WWOX: variants seen among roughly 807,000 people sequenced by gnomAD.
The protein encoded by WWOX is WW domain-containing oxidoreductase.
Under a neutral mutation model 46.2 loss-of-function variants are expected in WWOX, and 69 were observed. The observed-to-expected ratio is 1.49, with a 90% CI of 1.23 to 1.82. The LOEUF is 1.82. Ranked by LOEUF, WWOX falls within the 40% of genes most tolerant of loss-of-function variation. The pLI, the probability that WWOX is intolerant of heterozygous loss-of-function variation, is 0.00. For synonymous variants in WWOX, 359 were observed against 202.6 expected (o/e 1.77, Z -6.56); for missense variants, 919 against 542.6 (o/e 1.69, Z -6.89).
chr16:79,028,896 T>C (rs576788454), intron 8 of WWOX, among the ~76,000 whole-genome samples: 234 of 92,428 alleles, frequency 2.5e-3, no homozygotes, highest in Middle Eastern at 8.0e-3. Flanking sequence ...CCTGAACCAC[T>C]AGAAAAAAAA....
chr16:78,760,292 TA>T (rs1370213319), intron 8 of WWOX, among the ~76,000 whole-genome samples: 1 of 152,192 alleles, frequency 6.6e-6, no homozygotes, highest in Non-Finnish European at 1.5e-5. Flanking sequence ...GTGATTCAAT[TA>T]TCTCCCACCA....
At chr16:78,500,502 G>A (rs1362673671) in intron 8 of WWOX, among the ~76,000 whole-genome samples, 4 of 151,788 alleles carry the variant, frequency 2.6e-5, no homozygotes, top group Non-Finnish European at 5.9e-5. Flanking sequence ...GGTTAACCAT[G>A]GTAGCATTTT....
At chr16:78,459,723 C>T (rs2083906292) in intron 8 of WWOX, among the ~76,000 whole-genome samples, 2 of 152,126 alleles carry the variant, frequency 1.3e-5, no homozygotes, top group Non-Finnish European at 2.9e-5. Flanking sequence ...AAAATAATAC[C>T]AGTGACATGT....
chr16:78,858,144 T>TG (rs2052610709), intron 8 of WWOX, among the ~76,000 whole-genome samples: 40 of 148,652 alleles, frequency 2.7e-4, no homozygotes, highest in African/African-American at 9.2e-4. Flanking sequence ...CATTGTGTGT[T>TG]TGTGTGTGTG....
chr16:78,643,526 G>T lies in WWOX; in HGVS notation c.1056+210774G>T, dbSNP rs1403426402. ...CCAGCTTTAAACCTGTGACCTCAAG[G>T]CAAATGACTTCCACATCTCATTAGC... On this transcript the variant is annotated intron_variant, in intron 8 of 8. Transcript: ENST00000566780. Among the ~76,000 whole-genome samples, 4 of 152,092 alleles carry T rather than the reference G, an allele frequency of 2.6e-5. No homozygotes were observed. In the East Asian group the frequency reaches 7.7e-4, roughly 29 times the overall value.
intron 8 of WWOX, among the ~76,000 whole-genome samples, chr16:79,119,351 T>C (rs1180666002): frequency 6.6e-6 from 1 of 152,174 alleles, no homozygotes; most frequent in East Asian, 1.9e-4. Context: ...TAAAGAGGTT[T>C]CGTTATATTA....
At chr16:78,320,058 G>T (rs1323144042) in intron 5 of WWOX, among the ~76,000 whole-genome samples, 1 of 152,148 alleles carries the variant, frequency 6.6e-6, no homozygotes, top group Non-Finnish European at 1.5e-5. Context: ...ATTTGGGTGA[G>T]AGTATTTGTT....
At chr16:79,005,541 C>T (rs917138775) in intron 8 of WWOX, among the ~76,000 whole-genome samples, 1 of 152,194 alleles carries the variant, frequency 6.6e-6, no homozygotes, top group African/African-American at 2.4e-5. Context: ...CTCTTTGCCT[C>T]TTCCCGGCCT....
intron 8 of WWOX, among the ~76,000 whole-genome samples, chr16:78,781,883 C>A (rs1328106803): frequency 6.6e-6 from 1 of 152,178 alleles, no homozygotes. Flanking sequence ...CACTTATTTG[C>A]TCCATGCAAT....
intron 5 of WWOX, among the ~76,000 whole-genome samples, chr16:78,326,867 C>T (rs991997184): frequency 3.3e-5 from 5 of 152,004 alleles, no homozygotes; most frequent in Admixed American, 6.6e-5. Flanking sequence ...GGGGCTTTTT[C>T]GGTTGTATTC....
intron 8 of WWOX, among the ~76,000 whole-genome samples, chr16:79,171,976 C>T (rs943929077): frequency 6.6e-6 from 1 of 152,170 alleles, no homozygotes; most frequent in Non-Finnish European, 1.5e-5. Context: ...ATGCAGTTGG[C>T]AGTTTGCCAT....
At chr16:78,792,759 T>C (rs984667163) in intron 8 of WWOX, among the ~76,000 whole-genome samples, 1 of 151,368 alleles carries the variant, frequency 6.6e-6, no homozygotes, top group African/African-American at 2.4e-5. Flanking sequence ...AAGCAAAGAG[T>C]GGTTCAGGGT....
chr16:78,837,095 G>T (rs2052007707), intron 8 of WWOX, among the ~76,000 whole-genome samples: 1 of 152,052 alleles, frequency 6.6e-6, no homozygotes, highest in Non-Finnish European at 1.5e-5. Flanking sequence ...TTGCTGCTTA[G>T]GGAGGGGGGA....
chr16:78,608,270 T>G (rs2045812271), intron 8 of WWOX, among the ~76,000 whole-genome samples: 1 of 152,176 alleles, frequency 6.6e-6, no homozygotes, highest in South Asian at 2.1e-4. Flanking sequence ...GATACAGTCA[T>G]GAGGTTCAGC....
At chr16:78,846,838 C>T (rs536262168) in intron 8 of WWOX, among the ~76,000 whole-genome samples, 4 of 152,292 alleles carry the variant, frequency 2.6e-5, no homozygotes, top group South Asian at 4.1e-4. Flanking sequence ...TATTGTCTTT[C>T]TGTCATGCCT....
At position 78,509,413 on chromosome 16, in the gene WWOX, T is replaced by C. The variant is rs549590332; in HGVS notation, c.1056+76661T>C. Among the ~76,000 whole-genome samples the C allele has an allele frequency of 2.7e-5, 4 of 150,706 alleles. No individual in the cohort carries two copies. The East Asian group carries it at 7.8e-4, about 29-fold the overall frequency. On this transcript the variant is annotated intron_variant, in intron 8 of 8. Transcript: ENST00000566780. ...GAGTTTGCACCACTGCATTCCAGCA[T>C]TGGTGACAGAGCGAGACTCAGTCTC...
chr16:78,512,069 T>G (rs780312555), intron 8 of WWOX, among the ~76,000 whole-genome samples: 14 of 152,184 alleles, frequency 9.2e-5, no homozygotes, highest in Non-Finnish European at 1.9e-4. Context: ...AGTTATTCCA[T>G]CCAAGATTCT....
At chr16:78,717,040 T>G (rs190611339) in intron 8 of WWOX, among the ~76,000 whole-genome samples, 1 of 152,174 alleles carries the variant, frequency 6.6e-6, no homozygotes, top group Admixed American at 6.5e-5. Flanking sequence ...CAGAAAGTAA[T>G]GTTTTCTCTG....
intron 8 of WWOX, among the ~76,000 whole-genome samples, chr16:79,070,879 C>G (rs1238423136): frequency 1.3e-5 from 2 of 152,142 alleles, no homozygotes; most frequent in Non-Finnish European, 2.9e-5. Context: ...ACTATATTCT[C>G]CACAGAAACT....
Sources: allele counts gnomAD v4.1 joint callset (sites outside exome capture counted in the v4.1 genomes callset), GRCh38; gene constraint gnomAD v4.1.1; transcripts MANE v1.5; gene names NCBI Gene and HGNC (gene_info 2026-07-23, HGNC 2026-07-21).